Variants in MYO5A observed in about 807,000 individuals in gnomAD.
The protein encoded by MYO5A is myosin VA.
A neutral mutation model predicts 249.7 loss-of-function variants in MYO5A; 98 were observed. The ratio of observed to expected loss-of-function variants is 0.39; its 90% CI spans 0.33 to 0.46. The LOEUF is 0.46. Among genes scored for constraint, MYO5A ranks in the 20% least tolerant of loss-of-function variants. The pLI is 0.98. For missense variants in MYO5A, 1,696 were observed against 2,308.8 expected (o/e 0.73, Z 5.44); for synonymous variants, 778 against 810.6 (o/e 0.96, Z 0.68).
intron 1 of MYO5A, among the ~76,000 whole-genome samples, chr15:52,437,615 A>AAAAG (rs1555452008): frequency 1.1e-3 from 151 of 137,858 alleles, no homozygotes; most frequent in African/African-American, 4.0e-3. Flanking sequence ...AAAAAAAAAA[A>AAAAG]AGAGAGAGAG....
intron 2 of MYO5A, among the ~76,000 whole-genome samples, chr15:52,431,483 T>A (rs1304751443): frequency 2.0e-5 from 3 of 151,960 alleles, no homozygotes; most frequent in Non-Finnish European, 2.9e-5. Flanking sequence ...TACATATTAG[T>A]ATCTATCTAT....
At chr15:52,376,758 T>C (rs1197740342) in intron 18 of MYO5A, among the ~76,000 whole-genome samples, 200 bp from the exon 19 acceptor site, 1 of 152,182 alleles carries the variant, frequency 6.6e-6, no homozygotes, top group Non-Finnish European at 1.5e-5. Context: ...AAAACTGCAG[T>C]TTAAGAGTTA....
intron 24 of MYO5A, among the ~76,000 whole-genome samples, chr15:52,361,313 T>C (rs973400060): frequency 6.6e-6 from 1 of 152,182 alleles, no homozygotes; most frequent in East Asian, 1.9e-4. Flanking sequence ...ACTGGTTGTA[T>C]CACTAAGAAA....
In MYO5A at chr15:52,340,398, C is replaced by A. The variant is rs373327087; in HGVS notation, c.4041-4G>T. On this transcript the variant is annotated splice_polypyrimidine_tract_variant and splice_region_variant and intron_variant, in intron 31 of 41. Transcript: ENST00000399233. ...CTGCAGCTGGGATTCCAGGAGCCTGCGGAGAGGACACATGGGTCGGAAGGG... is the reference window on the plus strand; with the variant it reads ...CTGCAGCTGGGATTCCAGGAGCCTGAGGAGAGGACACATGGGTCGGAAGGG... The A allele has an allele frequency of 1.9e-6, 3 of 1,611,160 alleles. No individual in the cohort carries two copies. Among genetic ancestry groups the A allele is most frequent in the Non-Finnish European group, 2.5e-6 (3 of 1,179,942 alleles).
intron 1 of MYO5A, among the ~76,000 whole-genome samples, chr15:52,469,650 T>C (rs2076419596): frequency 6.6e-6 from 1 of 152,218 alleles, no homozygotes; most frequent in South Asian, 2.1e-4. Flanking sequence ...TAAGAATGTT[T>C]CTATAAGGGT....
chr15:52,351,145 G>A, intron 28 of MYO5A, 109 bp downstream of exon 28: 2 of 851,602 alleles, frequency 2.3e-6, no homozygotes, highest in East Asian at 5.3e-5. Flanking sequence ...TCCTCAATTA[G>A]ATTAAAAATG....
At chr15:52,367,870 AACACACACACACAC>A (rs3985806) in intron 22 of MYO5A, among the ~76,000 whole-genome samples, 24 of 141,880 alleles carry the variant, frequency 1.7e-4, no homozygotes, top group South Asian at 9.3e-4. Flanking sequence ...TATATTTTAA[AACACACACACACAC>A]ACACACACAC....
intron 1 of MYO5A, among the ~76,000 whole-genome samples, chr15:52,481,267 C>T (rs1417613100): frequency 2.0e-5 from 3 of 152,142 alleles, no homozygotes; most frequent in Non-Finnish European, 2.9e-5. Flanking sequence ...CAAATGGTCT[C>T]TAGGAATGAA....
chr15:52,529,023 A>C (rs1238999228), upstream of MYO5A: 2 of 252,288 alleles, frequency 7.9e-6, no homozygotes, highest in Non-Finnish European at 1.4e-5. Context: ...CGCCGCGAGC[A>C]GCCGCGAGCG....
chr15:52,317,083 T>C lies in MYO5A; in HGVS notation c.5374A>G (p.Ile1792Val), dbSNP rs746899428. 3 of 1,614,166 alleles carry C rather than the reference T, an allele frequency of 1.9e-6. No homozygotes were observed. Among genetic ancestry groups the C allele is most frequent in the Non-Finnish European group, 2.5e-6 (3 of 1,180,010 alleles). The change falls in exon 40 of 42, where the codon ATT becomes GTT. Residue 1792 changes from isoleucine (I) to valine (V), a missense_variant. Ile to Val is a conservative substitution (Grantham distance 29). Around this residue, in one of 5 missense-constraint regions of MYO5A, gnomAD observed 625 missense variants for 908.1 expected, o/e 0.69. Transcript: ENST00000399233. ...KKKTDDDAEA[I>V]CSMCNALTTA... ...GTTAAAGCATTGCACATAGAACAAA[T>C]GGCTTCTGCATCATCATCTGTTTTC...
At chr15:52,474,861 G>A (rs923116884) in intron 1 of MYO5A, among the ~76,000 whole-genome samples, 5 of 152,068 alleles carry the variant, frequency 3.3e-5, no homozygotes, top group East Asian at 1.9e-4. Context: ...TTTTTGTTGT[G>A]TCTCTGCCAG....
rs754572470 is a variant in MYO5A at position 52,528,770 on chromosome 15, G to A, written c.27+10C>T. Reference sequence around the variant, plus strand: ...CCCCAGTCCTCGACGCCGGCCGCGGGGTGCCTTACCTTTGTGTAGAGCTCC... The same window carrying A: ...CCCCAGTCCTCGACGCCGGCCGCGGAGTGCCTTACCTTTGTGTAGAGCTCC... On this transcript the variant is annotated intron_variant, in intron 1 of 41. Transcript: ENST00000399233. 27 of 1,506,718 alleles carry A rather than the reference G, an allele frequency of 1.8e-5. No individual in the cohort carries two copies. In the African/African-American group the frequency reaches 2.9e-4, roughly 16 times the overall value. 93.3% of individuals were successfully genotyped at this position (1,506,718 alleles called of 1,614,324 possible).
intron 1 of MYO5A, among the ~76,000 whole-genome samples, chr15:52,522,679 G>A (rs1474904407): frequency 1.3e-5 from 2 of 152,024 alleles, no homozygotes; most frequent in Non-Finnish European, 2.9e-5. Flanking sequence ...GAAAAACAGA[G>A]AAACTAAATT....
At chr15:52,356,716 T>TTAA (rs917171125) in intron 25 of MYO5A, among the ~76,000 whole-genome samples, 1 of 149,008 alleles carries the variant, frequency 6.7e-6, no homozygotes, top group African/African-American at 2.5e-5. Context: ...GTAGTAACCG[T>TTAA]TATAATTAAA....
At chr15:52,478,409 A>T (rs1259606945) in intron 1 of MYO5A, among the ~76,000 whole-genome samples, 2 of 151,942 alleles carry the variant, frequency 1.3e-5, no homozygotes, top group African/African-American at 4.8e-5. Flanking sequence ...CGTGGGCTGT[A>T]CCCACTGTCC....
At chr15:52,381,726 C>A (rs4776039) in intron 16 of MYO5A, among the ~76,000 whole-genome samples, 72,260 of 151,472 alleles carry the variant, frequency 0.48, 20,677 homozygotes, top group Non-Finnish European at 0.62. Context: ...AAAGTAAAGA[C>A]TAAACAGCAA....
intron 20 of MYO5A, among the ~76,000 whole-genome samples, chr15:52,374,759 T>A (rs909486596): frequency 1.3e-5 from 2 of 152,228 alleles, no homozygotes; most frequent in African/African-American, 4.8e-5. Flanking sequence ...GACAACTTGA[T>A]TTTGTCCCAT....
chr15:52,405,745 G>C (rs959333784), intron 8 of MYO5A, among the ~76,000 whole-genome samples: 3 of 152,140 alleles, frequency 2.0e-5, no homozygotes, highest in Non-Finnish European at 4.4e-5. Flanking sequence ...AAGATTAAAT[G>C]AGATTAAATG....
intron 35 of MYO5A, among the ~76,000 whole-genome samples, chr15:52,328,561 C>G (rs1431971317): frequency 2.6e-5 from 4 of 152,222 alleles, no homozygotes; most frequent in Non-Finnish European, 5.9e-5. Flanking sequence ...CCATCATCTC[C>G]TGCTGGGCTG....
Sources: gnomAD v4.1 joint callset for allele counts (sites outside exome capture counted in the v4.1 genomes callset) on GRCh38, gnomAD v4.1.1 for gene constraint, gnomAD v4.1.1 regional missense constraint, MANE v1.5 for transcripts, NCBI Gene and HGNC (gene_info 2026-07-23, HGNC 2026-07-21) for gene names.